Variants in RIC8B observed in about 807,000 individuals in gnomAD.
The protein encoded by RIC8B is chaperone Ric-8B.
In RIC8B, 16 loss-of-function variants were observed where a neutral mutation model predicts 57.5. The observed-to-expected ratio is 0.28, with a 90% CI of 0.19 to 0.42. The LOEUF (loss-of-function observed/expected upper bound fraction) is 0.42, where lower values mean the gene tolerates loss of function less well. RIC8B is among the 10% of genes least tolerant of loss of function. The pLI, the probability that RIC8B is intolerant of heterozygous loss-of-function variation, is 1.00. For synonymous variants in RIC8B, 216 were observed against 250.8 expected, an observed-to-expected ratio of 0.86 and a Z score of 1.31; for missense variants, 481 against 677.0, an observed-to-expected ratio of 0.71 and a Z score of 3.21.
At chr12:106,863,282 G>A (rs767189171) in intron 8 of RIC8B, among the ~76,000 whole-genome samples, 16 of 152,160 alleles carry the variant, frequency 1.1e-4, no homozygotes, top group Non-Finnish European at 2.4e-4. Flanking sequence ...TCAAAAGTGA[G>A]CAGAACCCTA....
intron 3 of RIC8B, among the ~76,000 whole-genome samples, chr12:106,821,400 TG>T: frequency 6.6e-6 from 1 of 152,278 alleles, no homozygotes; most frequent in South Asian, 2.1e-4. Flanking sequence ...TTTTAATAAA[TG>T]GGGCTTTATC....
intron 2 of RIC8B, 80 bp from the exon 3 acceptor site, chr12:106,814,616 A>G: frequency 7.2e-7 from 1 of 1,380,766 alleles, no homozygotes; most frequent in Non-Finnish European, 9.9e-7. Context: ...ACTGTTGTTA[A>G]GTACATTGGC....
intron 5 of RIC8B, among the ~76,000 whole-genome samples, chr12:106,843,083 G>T (rs563006752): frequency 2.6e-5 from 4 of 152,178 alleles, no homozygotes; most frequent in Admixed American, 1.3e-4. Context: ...AAAGGAAAAA[G>T]TAATTACTGT....
intron 7 of RIC8B, among the ~76,000 whole-genome samples, chr12:106,855,594 G>A (rs960782844): frequency 2.6e-5 from 4 of 152,070 alleles, no homozygotes; most frequent in Admixed American, 6.5e-5. Context: ...AACAGTTAAT[G>A]CTGTTGTCCA....
intron 5 of RIC8B, among the ~76,000 whole-genome samples, chr12:106,843,580 G>A (rs1949049112): frequency 6.6e-6 from 1 of 151,874 alleles, no homozygotes; most frequent in Non-Finnish European, 1.5e-5. Flanking sequence ...AAATTAGCCA[G>A]GTGTGGTGGT....
chr12:106,873,201 G>A lies in RIC8B; in HGVS notation c.1571+2259G>A. 4.1e-6 allele frequency: 4 copies of A among 985,202 alleles called. No homozygotes were observed. In the African/African-American group the frequency reaches 7.0e-5, roughly 17 times the overall value. 61.0% of individuals were successfully genotyped at this position (985,202 alleles called of 1,614,324 possible). ...TGACACTGATTTTTGCATGTTTAAAGCAGAGCAAATATGTCTTATGTTGGC... is the reference window on the plus strand; with the variant it reads ...TGACACTGATTTTTGCATGTTTAAAACAGAGCAAATATGTCTTATGTTGGC... On this transcript the variant is annotated intron_variant, in intron 9 of 9. Coordinates refer to ENST00000392837, the MANE Select transcript of RIC8B (RefSeq NM_001330145.2).
At chr12:106,781,866 T>C (rs1158385135) in intron 1 of RIC8B, among the ~76,000 whole-genome samples, 1 of 152,190 alleles carries the variant, frequency 6.6e-6, no homozygotes, top group African/African-American at 2.4e-5. Flanking sequence ...GCGATTATTT[T>C]CATTTGTATT....
At chr12:106,802,453 A>G (rs2044775801) in intron 2 of RIC8B, among the ~76,000 whole-genome samples, 1 of 151,218 alleles carries the variant, frequency 6.6e-6, no homozygotes, top group Admixed American at 6.6e-5. Context: ...GGAGGAGTCT[A>G]TTCTATTATC....
intron 2 of RIC8B, among the ~76,000 whole-genome samples, chr12:106,790,441 C>T (rs1005944767): frequency 6.6e-6 from 1 of 152,172 alleles, no homozygotes; most frequent in African/African-American, 2.4e-5. Flanking sequence ...GCAAATAGTT[C>T]CAGGTGCATG....
chr12:106,818,304 T>C (rs1423897572), intron 3 of RIC8B, among the ~76,000 whole-genome samples: 4 of 151,900 alleles, frequency 2.6e-5, no homozygotes, highest in Non-Finnish European at 4.4e-5. Flanking sequence ...GTAGCTGGGA[T>C]TACAGGCGTG....
chr12:106,854,002 G>T (rs1949606500), intron 7 of RIC8B, among the ~76,000 whole-genome samples: 1 of 152,184 alleles, frequency 6.6e-6, no homozygotes, highest in South Asian at 2.1e-4. Context: ...CTAGATGTAA[G>T]ATGAACAAAT....
intron 3 of RIC8B, among the ~76,000 whole-genome samples, chr12:106,818,879 G>T (rs1478166464): frequency 3.9e-5 from 6 of 151,996 alleles, no homozygotes; most frequent in Non-Finnish European, 5.9e-5. Context: ...TGATTTTCCT[G>T]CCTCAGCCTC....
intron 2 of RIC8B, among the ~76,000 whole-genome samples, chr12:106,809,035 T>C (rs1445307055): frequency 2.0e-5 from 3 of 152,152 alleles, no homozygotes; most frequent in Non-Finnish European, 4.4e-5. Flanking sequence ...AGAGGGCATT[T>C]AGTTTTAATG....
intron 4 of RIC8B, among the ~76,000 whole-genome samples, chr12:106,834,776 G>A (rs2046511500): frequency 6.6e-6 from 1 of 151,912 alleles, no homozygotes; most frequent in Admixed American, 6.6e-5. Context: ...GAGGTCAAGA[G>A]ATCGAGACCA....
chr12:106,795,941 T>C (rs1408611603), intron 2 of RIC8B, among the ~76,000 whole-genome samples: 4 of 152,166 alleles, frequency 2.6e-5, no homozygotes, highest in African/African-American at 9.7e-5. Context: ...GAATAATGAC[T>C]AAGGACATAA....
intron 4 of RIC8B, among the ~76,000 whole-genome samples, chr12:106,836,786 C>T (rs925721547): frequency 1.3e-5 from 2 of 152,150 alleles, no homozygotes; most frequent in Non-Finnish European, 2.9e-5. Context: ...GAATGATTTT[C>T]CACTTCCATC....
chr12:106,801,473 A>G (rs1368622447), intron 2 of RIC8B, among the ~76,000 whole-genome samples: 1 of 152,200 alleles, frequency 6.6e-6, no homozygotes, highest in African/African-American at 2.4e-5. Context: ...GTGTTACTGA[A>G]ACATGTACAT....
chr12:106,842,478 G>C, intron 4 of RIC8B, 111 bp from the exon 5 acceptor site: 1 of 821,716 alleles, frequency 1.2e-6, no homozygotes, highest in Non-Finnish European at 1.9e-6. Context: ...TTTTGGAAAA[G>C]AAATATTTTA....
At chr12:106,848,255 C>T (rs1271943790) in intron 6 of RIC8B, among the ~76,000 whole-genome samples, 1 of 152,078 alleles carries the variant, frequency 6.6e-6, no homozygotes, top group Non-Finnish European at 1.5e-5. Context: ...TTAAGAAGGT[C>T]CATGGAGGTC....
Sources: gnomAD v4.1 joint callset for allele counts (sites outside exome capture counted in the v4.1 genomes callset) on GRCh38, gnomAD v4.1.1 for gene constraint, MANE v1.5 for transcripts, NCBI Gene and HGNC (gene_info 2026-07-23, HGNC 2026-07-21) for gene names.